Variants in TMTC2 observed in about 807,000 individuals in gnomAD.
The protein encoded by TMTC2 is transmembrane O-mannosyltransferase targeting cadherins 2.
In TMTC2, 43 loss-of-function variants were observed where a neutral mutation model predicts 82.4. That is an observed-to-expected ratio of 0.52 (90% confidence interval 0.41 to 0.67). TMTC2 has a LOEUF of 0.67. TMTC2 is among the 30% of genes least tolerant of loss of function. TMTC2 has a pLI of 0.00. For synonymous variants in TMTC2, 408 were observed against 381.9 expected, an observed-to-expected ratio of 1.07 and a Z score of -0.80; for missense variants, 919 against 1,012.4, an observed-to-expected ratio of 0.91 and a Z score of 1.25.
At chr12:83,094,841 A>T (rs1247055747) in intron 11 of TMTC2, among the ~76,000 whole-genome samples, 1 of 152,166 alleles carries the variant, frequency 6.6e-6, no homozygotes, top group Non-Finnish European at 1.5e-5. Context: ...AACATATCTG[A>T]TGGGAAAGAA....
chr12:82,984,180 C>T (rs1434330440), intron 7 of TMTC2, among the ~76,000 whole-genome samples: 1 of 151,926 alleles, frequency 6.6e-6, no homozygotes, highest in Non-Finnish European at 1.5e-5. Context: ...TTTAATTTCA[C>T]CAACTTCTTA....
intron 1 of TMTC2, among the ~76,000 whole-genome samples, chr12:82,831,830 T>G (rs1869764980): frequency 6.6e-6 from 1 of 152,206 alleles, no homozygotes; most frequent in Admixed American, 6.5e-5. Context: ...GCTCTGTGTA[T>G]GTACATTCCT....
intron 11 of TMTC2, among the ~76,000 whole-genome samples, chr12:83,099,165 T>A (rs1310839502): frequency 6.6e-6 from 1 of 152,206 alleles, no homozygotes; most frequent in East Asian, 1.9e-4. Context: ...TTCAAATGAA[T>A]GAAATATAAG....
chr12:83,109,933 C>G (rs1220699869), intron 11 of TMTC2, among the ~76,000 whole-genome samples: 3 of 152,138 alleles, frequency 2.0e-5, no homozygotes, highest in African/African-American at 7.2e-5. Context: ...CAAGTGAGTC[C>G]TCAAAGATGG....
chr12:82,981,283 TC>T (rs957527192), intron 7 of TMTC2, among the ~76,000 whole-genome samples: 11 of 151,906 alleles, frequency 7.2e-5, no homozygotes, highest in African/African-American at 2.7e-4. Flanking sequence ...GCAGGAGCTG[TC>T]CAGTAATTTG....
chr12:83,009,798 T>C (rs1880372886), intron 8 of TMTC2, among the ~76,000 whole-genome samples: 2 of 152,122 alleles, frequency 1.3e-5, no homozygotes, highest in Non-Finnish European at 2.9e-5. Context: ...AATGTTTCCA[T>C]GGACTGGGTA....
chr12:82,843,457 T>C (rs1305402581), intron 1 of TMTC2, among the ~76,000 whole-genome samples: 2 of 152,062 alleles, frequency 1.3e-5, no homozygotes, highest in Non-Finnish European at 2.9e-5. Flanking sequence ...TTGAAGAAGA[T>C]CATGAACCTG....
chr12:82,867,292 A>T (rs1202142626), intron 2 of TMTC2, among the ~76,000 whole-genome samples: 1 of 152,182 alleles, frequency 6.6e-6, no homozygotes, highest in Admixed American at 6.5e-5. Flanking sequence ...TTCTTTCTCT[A>T]TGTGTTGATT....
At chr12:83,123,964 G>T (rs1171142219) in intron 11 of TMTC2, among the ~76,000 whole-genome samples, 1 of 152,164 alleles carries the variant, frequency 6.6e-6, no homozygotes, top group Non-Finnish European at 1.5e-5. Context: ...CTTTGGAGTA[G>T]TAGAATTTGT....
chr12:82,936,186 C>A (rs1163251065), intron 4 of TMTC2, among the ~76,000 whole-genome samples: 1 of 152,012 alleles, frequency 6.6e-6, no homozygotes, highest in Non-Finnish European at 1.5e-5. Context: ...GATGGGCAAT[C>A]TCAATCAAAA....
At chr12:82,821,465 T>C (rs1869106672) in intron 1 of TMTC2, among the ~76,000 whole-genome samples, 1 of 152,136 alleles carries the variant, frequency 6.6e-6, no homozygotes, top group Non-Finnish European at 1.5e-5. Flanking sequence ...CATATGTTAT[T>C]ATGAGGAAGG....
At chr12:83,106,357 G>A (rs1038664664) in intron 11 of TMTC2, among the ~76,000 whole-genome samples, 1 of 151,906 alleles carries the variant, frequency 6.6e-6, no homozygotes, top group African/African-American at 2.4e-5. Flanking sequence ...AAATTGGCTG[G>A]GCGTGGTGGT....
At chr12:82,816,143 T>TC (rs1225751797) in intron 1 of TMTC2, among the ~76,000 whole-genome samples, 1 of 148,386 alleles carries the variant, frequency 6.7e-6, no homozygotes, top group African/African-American at 2.5e-5. Context: ...GAATGTGCTA[T>TC]CTTTTTTTTT....
chr12:82,749,882 C>A (rs1040358850), intron 1 of TMTC2, among the ~76,000 whole-genome samples: 1 of 151,924 alleles, frequency 6.6e-6, no homozygotes, highest in Non-Finnish European at 1.5e-5. Flanking sequence ...GGATTACAGG[C>A]ATGCACCACC....
At chr12:83,048,599 G>A (rs904984456) in intron 9 of TMTC2, among the ~76,000 whole-genome samples, 1 of 151,988 alleles carries the variant, frequency 6.6e-6, no homozygotes, top group Non-Finnish European at 1.5e-5. Context: ...ATAATCGTAG[G>A]CTTACCTTTA....
At chr12:82,830,325 T>C (rs1363866093) in intron 1 of TMTC2, among the ~76,000 whole-genome samples, 2 of 152,138 alleles carry the variant, frequency 1.3e-5, no homozygotes, top group Non-Finnish European at 2.9e-5. Context: ...GAACAAATCC[T>C]TAGTCCTTCC....
intron 4 of TMTC2, among the ~76,000 whole-genome samples, chr12:82,942,378 C>T (rs1258619147): frequency 6.6e-6 from 1 of 152,016 alleles, no homozygotes; most frequent in Non-Finnish European, 1.5e-5. Context: ...TAAAGGGCTA[C>T]TTGGGTTATA....
chr12:83,033,075 TA>T (rs1379570925), intron 9 of TMTC2, among the ~76,000 whole-genome samples: 1 of 152,176 alleles, frequency 6.6e-6, no homozygotes, highest in Non-Finnish European at 1.5e-5. Context: ...TATGAAATTT[TA>T]TAAGTTTCAA....
Position 82,687,611 on chromosome 12 carries a change from G to T in TMTC2, c.25G>T (p.Ala9Ser), listed in dbSNP as rs1244545191. The T allele has an allele frequency of 3.7e-6, 6 of 1,602,244 alleles. No homozygotes were observed. Among genetic ancestry groups the T allele is most frequent in the African/African-American group, 1.3e-5 (1 of 74,990 alleles). The change falls in exon 1 of 12, where the codon GCT becomes TCT. Residue 9 changes from alanine to serine, a missense_variant. Ala to Ser is a moderately conservative substitution (Grantham distance 99). Transcript: ENST00000321196. ...GATGATTGCAGAGTTGGTGAGCAGC[G>T]CTCTGGGGCTCGCCTTGTATCTCAA... The part of the protein sequence containing the change: MIAELVSS[A>S]LGLALYLNTL...
Sources: gnomAD v4.1 joint callset for allele counts (sites outside exome capture counted in the v4.1 genomes callset) on GRCh38, gnomAD v4.1.1 for gene constraint, MANE v1.5 for transcripts, NCBI Gene and HGNC (gene_info 2026-07-23, HGNC 2026-07-21) for gene names.